Variants in SRRM4 observed in about 807,000 individuals in gnomAD.
SRRM4 encodes serine/arginine repetitive matrix protein 4.
A neutral mutation model predicts 68.9 loss-of-function variants in SRRM4; 33 were observed. The observed-to-expected ratio is 0.48, with a 90% CI of 0.36 to 0.64. The LOEUF is 0.64. Among genes scored for constraint, SRRM4 ranks in the 30% least tolerant of loss-of-function variants. SRRM4 has a pLI of 0.00. For synonymous variants in SRRM4, 318 were observed against 318.8 expected, an observed-to-expected ratio of 1.00 and a Z score of 0.03; for missense variants, 817 against 827.1, an observed-to-expected ratio of 0.99 and a Z score of 0.15.
intron 1 of SRRM4, among the ~76,000 whole-genome samples, chr12:119,015,276 G>C (rs1436881566): frequency 6.6e-6 from 1 of 152,164 alleles, no homozygotes; most frequent in East Asian, 1.9e-4. Flanking sequence ...TCCATCTCCA[G>C]TGCTAGAGAA....
chr12:119,057,153 T>C (rs1486501277), intron 1 of SRRM4, among the ~76,000 whole-genome samples: 1 of 152,214 alleles, frequency 6.6e-6, no homozygotes, highest in East Asian at 1.9e-4. Context: ...CTTTTTTAAA[T>C]TAGGTGAAGA....
intron 9 of SRRM4, among the ~76,000 whole-genome samples, chr12:119,148,488 A>G (rs1954418058): frequency 6.6e-6 from 1 of 152,254 alleles, no homozygotes; most frequent in African/African-American, 2.4e-5. Flanking sequence ...AACAACAACA[A>G]TAATAACGGC....
Position 119,160,946 on chromosome 12 carries a change from T to G in SRRM4, c.*4148T>G, listed in dbSNP as rs1294792904. On this transcript the variant is annotated 3_prime_UTR_variant, in exon 13 of 13. Coordinates refer to ENST00000267260, the MANE Select transcript of SRRM4 (RefSeq NM_194286.4). The stretch of plus-strand genomic sequence containing the variant: ...ATATTCCTATCTGCATTCCTTCCCT[T>G]CTTTGAAGGACAGCTGATCTTTCAG... The G allele has an allele frequency of 6.6e-6, 1 of 152,194 alleles. No individual in the cohort carries two copies. Among genetic ancestry groups the G allele is most frequent in the African/African-American group, 2.4e-5 (1 of 41,428 alleles). The allele number at this position is 152,194 out of a possible 1,614,324, so 9.4% of individuals were successfully genotyped here.
intron 1 of SRRM4, among the ~76,000 whole-genome samples, chr12:119,088,921 C>A (rs1040772793): frequency 1.3e-5 from 2 of 152,232 alleles, no homozygotes; most frequent in African/African-American, 4.8e-5. Flanking sequence ...TGGTGTTAAG[C>A]ACTTTGCGTG....
At chr12:119,095,567 C>T (rs936191671) in intron 1 of SRRM4, among the ~76,000 whole-genome samples, 7 of 152,070 alleles carry the variant, frequency 4.6e-5, no homozygotes, top group African/African-American at 1.7e-4. Context: ...ATTAGTAAGT[C>T]CTCTATACAC....
intron 1 of SRRM4, among the ~76,000 whole-genome samples, chr12:119,051,233 T>C (rs188942060): frequency 4.6e-5 from 7 of 152,332 alleles, no homozygotes; most frequent in Admixed American, 3.9e-4. Context: ...CAAAGATTTC[T>C]ACCTGAAGCA....
chr12:119,162,592 C>A lies in SRRM4; in HGVS notation c.*5794C>A, dbSNP rs1382288171. On this transcript the variant is annotated 3_prime_UTR_variant, in exon 13 of 13. Coordinates refer to ENST00000267260, the MANE Select transcript of SRRM4 (RefSeq NM_194286.4). ...CAGCTTGACTCAATGTCCAACATTC[C>A]CTTGGTAGCTTTTTCTCCGGGGTCC... The A allele has an allele frequency of 6.6e-6, 1 of 152,138 alleles. No homozygotes were observed. The highest frequency in any genetic ancestry group is 2.4e-5 in the African/African-American group (1 of 41,418). The allele number at this position is 152,138 out of a possible 1,614,324, so 9.4% of individuals were successfully genotyped here.
chr12:119,053,180 G>A (rs181741080), intron 1 of SRRM4, among the ~76,000 whole-genome samples: 6 of 152,174 alleles, frequency 3.9e-5, no homozygotes, highest in Non-Finnish European at 8.8e-5. Flanking sequence ...GGGGCGAGTA[G>A]CAGTGTATAG....
At chr12:119,086,230 A>C (rs1327380432) in intron 1 of SRRM4, among the ~76,000 whole-genome samples, 1 of 152,132 alleles carries the variant, frequency 6.6e-6, no homozygotes, top group Non-Finnish European at 1.5e-5. Flanking sequence ...GATACACCCT[A>C]TATACTTATT....
intron 5 of SRRM4, 142 bp downstream of exon 5, chr12:119,120,418 A>G (rs1442663693): frequency 2.2e-6 from 2 of 909,906 alleles, no homozygotes; most frequent in Non-Finnish European, 3.3e-6. Flanking sequence ...TTCCTCCAAA[A>G]TGAAGGTCTG....
At chr12:119,031,633 C>T (rs922898861) in intron 1 of SRRM4, among the ~76,000 whole-genome samples, 1 of 152,096 alleles carries the variant, frequency 6.6e-6, no homozygotes, top group African/African-American at 2.4e-5. Context: ...TTAGTCTTCC[C>T]TCTAGGAGTA....
intron 9 of SRRM4, among the ~76,000 whole-genome samples, chr12:119,149,340 G>T (rs571412322): frequency 6.6e-6 from 1 of 152,262 alleles, no homozygotes; most frequent in South Asian, 2.1e-4. Context: ...GAGCGAGACT[G>T]TCTCAAAAAA....
chr12:119,157,024 A>T lies in SRRM4; in HGVS notation c.*226A>T, dbSNP rs2555272. 0.34 allele frequency: 174,631 copies of T among 506,680 alleles called. 32,525 individuals carry two copies. Among genetic ancestry groups the T allele is most frequent in the Non-Finnish European group, 0.38 (113,130 of 295,008 alleles). The allele number at this position is 506,680 out of a possible 1,614,324, so 31.4% of individuals were successfully genotyped here. A position where few individuals can be genotyped will look rare whatever the true frequency, so the allele number is the denominator to read the frequency against. ...TGGGGCCCAGCTCAGGCCTGGGCAT[A>T]TGGAAAGAACCATCATCTTGTGGCA... On this transcript the variant is annotated 3_prime_UTR_variant, in exon 13 of 13. Coordinates refer to ENST00000267260, the MANE Select transcript of SRRM4 (RefSeq NM_194286.4). This position sits in a 1 kb window ranked among gnomAD's most constrained non-coding sequence, Gnocchi z 4.1.
intron 1 of SRRM4, among the ~76,000 whole-genome samples, chr12:119,090,608 A>G (rs1269719352): frequency 1.3e-5 from 2 of 152,140 alleles, no homozygotes; most frequent in Admixed American, 1.3e-4. Context: ...ATTTGCAGCC[A>G]ACATTCCCAC....
Position 119,118,824 on chromosome 12 carries a change from A to C in SRRM4, c.438-1426A>C, listed in dbSNP as rs77161787. Reference sequence around the variant, plus strand: ...GAAAGACACTGACAGACAGTCAGAAACAGGCTTTTCCTGCCCGGTCAGCCC... The same window carrying C: ...GAAAGACACTGACAGACAGTCAGAACCAGGCTTTTCCTGCCCGGTCAGCCC... On this transcript the variant is annotated intron_variant, in intron 4 of 12. Transcript: ENST00000267260. 6.9e-3 allele frequency among the ~76,000 whole-genome samples: 1,048 copies of C among 152,282 alleles called. 14 individuals are homozygous for C. Among genetic ancestry groups the C allele is most frequent in the African/African-American group, 0.023 (970 of 41,552 alleles).
intron 1 of SRRM4, among the ~76,000 whole-genome samples, chr12:119,065,970 C>T (rs756008890): frequency 8.5e-5 from 13 of 152,056 alleles, no homozygotes; most frequent in Non-Finnish European, 1.5e-4. Context: ...GGTGATTTAG[C>T]AGCCATGAAA....
intron 8 of SRRM4, chr12:119,132,446 T>A (rs1166788835): frequency 6.6e-6 from 1 of 152,124 alleles, no homozygotes; most frequent in Non-Finnish European, 1.5e-5. Context: ...CTGGTCATGG[T>A]ATTTGTGGTG....
At chr12:118,983,910 C>A (rs60855277) in intron 1 of SRRM4, among the ~76,000 whole-genome samples, 7,343 of 152,258 alleles carry the variant, frequency 0.048, 212 homozygotes, top group Middle Eastern at 0.095. Context: ...TCCCCCTCTG[C>A]AACCAGTATC....
intron 1 of SRRM4, among the ~76,000 whole-genome samples, chr12:118,986,431 G>A (rs753651774): frequency 7.9e-5 from 12 of 152,142 alleles, no homozygotes; most frequent in East Asian, 3.8e-4. Context: ...GTGTTCACCC[G>A]GCACACGTGC....
Sources: gnomAD v4.1 joint callset for allele counts (sites outside exome capture counted in the v4.1 genomes callset) on GRCh38, gnomAD v4.1.1 for gene constraint, Gnocchi (gnomAD v3.1) non-coding constraint, MANE v1.5 for transcripts, NCBI Gene and HGNC (gene_info 2026-07-23, HGNC 2026-07-21) for gene names.